ADD1: variants seen among roughly 807,000 people sequenced by gnomAD.
ADD1 encodes the protein adducin 1.
In ADD1, 24 loss-of-function variants were observed where a neutral mutation model predicts 80.5. The observed-to-expected ratio is 0.30, with a 90% confidence interval of 0.22 to 0.42. ADD1 has a LOEUF of 0.42. Among genes scored for constraint, ADD1 ranks in the 10% least tolerant of loss-of-function variants. The probability of loss-of-function intolerance (pLI) is 1.00; values close to 1 mark genes in which losing one functional copy is unlikely to be tolerated. For missense variants in ADD1, 948 were observed against 1,019.0 expected, an observed-to-expected ratio of 0.93 and a Z score of 0.95; for synonymous variants, 373 against 393.8, an observed-to-expected ratio of 0.95 and a Z score of 0.63.
At chr4:2,896,116 T>C (rs1458735858) in intron 6 of ADD1, among the ~76,000 whole-genome samples, 1 of 152,108 alleles carries the variant, frequency 6.6e-6, no homozygotes, top group East Asian at 1.9e-4. Context: ...CTTGATCGCC[T>C]GACCTCGTGA....
intron 1 of ADD1, among the ~76,000 whole-genome samples, chr4:2,867,434 C>T (rs1729715940): frequency 6.6e-6 from 1 of 152,186 alleles, no homozygotes; most frequent in Admixed American, 6.5e-5. Flanking sequence ...TTGTCAGCAA[C>T]AAGAACACAG....
chr4:2,863,807 G>T (rs906626844), intron 1 of ADD1, among the ~76,000 whole-genome samples: 2 of 152,010 alleles, frequency 1.3e-5, no homozygotes, highest in African/African-American at 4.8e-5. Flanking sequence ...GGGCTGAAGA[G>T]ATCCTCCTGC....
At chr4:2,846,155 T>G (rs1726168519) in intron 1 of ADD1, among the ~76,000 whole-genome samples, 1 of 152,234 alleles carries the variant, frequency 6.6e-6, no homozygotes, top group Admixed American at 6.5e-5. Context: ...AATTCTCATT[T>G]TTTTTCTTAA....
At chr4:2,886,823 C>T (rs142433908) in intron 4 of ADD1, among the ~76,000 whole-genome samples, 1 of 152,320 alleles carries the variant, frequency 6.6e-6, no homozygotes, top group African/African-American at 2.4e-5. Flanking sequence ...TTGCTGGCCT[C>T]TGTCATCTAA....
At chr4:2,868,858 C>T (rs549027309) in intron 1 of ADD1, among the ~76,000 whole-genome samples, 3 of 152,082 alleles carry the variant, frequency 2.0e-5, no homozygotes, top group East Asian at 1.9e-4. Context: ...CTTCATAGAG[C>T]GGGAAGCATT....
At chr4:2,906,354 T>C (rs925788579) in intron 10 of ADD1, among the ~76,000 whole-genome samples, 3 of 151,898 alleles carry the variant, frequency 2.0e-5, no homozygotes, top group East Asian at 3.9e-4. Flanking sequence ...GTTTATTTTT[T>C]ACTTGTTTCA....
At chr4:2,899,532 T>A in intron 9 of ADD1, 97 bp downstream of exon 9, 1 of 1,303,400 alleles carries the variant, frequency 7.7e-7, no homozygotes, top group Non-Finnish European at 1.1e-6. Context: ...TTTTATGCAG[T>A]ATCTGAATAC....
At chr4:2,899,938 A>G (rs916902897) in intron 9 of ADD1, 4 of 237,528 alleles carry the variant, frequency 1.7e-5, no homozygotes, top group African/African-American at 9.3e-5. Flanking sequence ...AGGCGGGCTT[A>G]TGGGGCCTGC....
intron 1 of ADD1, among the ~76,000 whole-genome samples, chr4:2,854,572 G>A (rs2108800825): frequency 6.6e-6 from 1 of 152,172 alleles, no homozygotes; most frequent in East Asian, 1.9e-4. Flanking sequence ...TTTATTAGGT[G>A]TGAATAACCT....
At chr4:2,853,392 C>A (rs1244832851) in intron 1 of ADD1, among the ~76,000 whole-genome samples, 2 of 152,234 alleles carry the variant, frequency 1.3e-5, no homozygotes, top group Non-Finnish European at 1.5e-5. Context: ...CAGGTGTGAG[C>A]CACCGGCGTC....
intron 4 of ADD1, among the ~76,000 whole-genome samples, chr4:2,890,567 C>T (rs151311042): frequency 5.5e-4 from 83 of 152,044 alleles, no homozygotes; most frequent in African/African-American, 1.2e-3. Flanking sequence ...CCACCACACC[C>T]GGCTAATTTT....
chr4:2,846,466 A>G (rs1204104326), intron 1 of ADD1, among the ~76,000 whole-genome samples: 3 of 152,208 alleles, frequency 2.0e-5, no homozygotes, highest in South Asian at 2.1e-4. Context: ...GTCAGTGCCT[A>G]CAGTCATTTC....
intron 4 of ADD1, among the ~76,000 whole-genome samples, chr4:2,890,962 A>G (rs562590497): frequency 3.3e-5 from 5 of 152,258 alleles, no homozygotes; most frequent in South Asian, 2.1e-4. Context: ...CAATTAGACA[A>G]CTGCTTACTT....
At chr4:2,886,318 C>T (rs1313463368) in intron 4 of ADD1, among the ~76,000 whole-genome samples, 1 of 152,204 alleles carries the variant, frequency 6.6e-6, no homozygotes, top group Non-Finnish European at 1.5e-5. Context: ...AGGTGACGGT[C>T]TGGAGCTCAC....
chr4:2,914,058 C>CAAAAAAAAAAAAA (rs775339952), intron 13 of ADD1, among the ~76,000 whole-genome samples: 1 of 120,574 alleles, frequency 8.3e-6, no homozygotes, highest in African/African-American at 3.1e-5. Flanking sequence ...GACTCCGTCT[C>CAAAAAAAAAAAAA]AAAAAAAAAA....
At chr4:2,855,290 T>C (rs1287542097) in intron 1 of ADD1, among the ~76,000 whole-genome samples, 1 of 152,214 alleles carries the variant, frequency 6.6e-6, no homozygotes, top group African/African-American at 2.4e-5. Flanking sequence ...TTCTGTCTTT[T>C]AACTGGCATA....
rs1368357304 is a variant in ADD1 at position 2,914,478 on chromosome 4, CTGT to C, written c.1792-405_1792-403del. On this transcript the variant is annotated intron_variant, in intron 13 of 15. Coordinates refer to ENST00000683351, the MANE Select transcript of ADD1 (RefSeq NM_001354761.2). ...CTCTGAGCATGCCTTACGCTGAGTGCTGTACCTCGTGACAGTTTCTGATGTCAT... is the reference window on the plus strand; with the variant it reads ...CTCTGAGCATGCCTTACGCTGAGTGCACCTCGTGACAGTTTCTGATGTCAT... 3.9e-5 allele frequency among the ~76,000 whole-genome samples: 6 copies of C among 152,364 alleles called. No individual in the cohort carries two copies. The East Asian group carries it at 9.6e-4, about 24-fold the overall frequency.
intron 13 of ADD1, among the ~76,000 whole-genome samples, chr4:2,913,411 C>T (rs572515074): frequency 3.9e-5 from 6 of 152,264 alleles, no homozygotes; most frequent in South Asian, 2.1e-4. Flanking sequence ...CGGGCCACAG[C>T]GCTAAGACAT....
intron 6 of ADD1, among the ~76,000 whole-genome samples, chr4:2,897,935 A>G (rs1347825028): frequency 2.0e-5 from 3 of 152,202 alleles, no homozygotes; most frequent in African/African-American, 4.8e-5. Context: ...CACTTATATC[A>G]GTGGGAAAAA....
Sources: gnomAD v4.1 joint callset for allele counts (sites outside exome capture counted in the v4.1 genomes callset) on GRCh38, gnomAD v4.1.1 for gene constraint, MANE v1.5 for transcripts, NCBI Gene and HGNC (gene_info 2026-07-23, HGNC 2026-07-21) for gene names.